Variants in GLYR1 observed in about 807,000 individuals in gnomAD.
GLYR1 encodes the protein glyoxylate reductase 1 homolog.
In GLYR1, 21 loss-of-function variants were observed where a neutral mutation model predicts 72.7. The ratio of observed to expected loss-of-function variants is 0.29; its 90% CI spans 0.20 to 0.42. The LOEUF (loss-of-function observed/expected upper bound fraction) is 0.42, where lower values mean the gene tolerates loss of function less well. Among genes scored for constraint, GLYR1 ranks in the 10% least tolerant of loss-of-function variants. GLYR1 has a pLI of 1.00. For missense variants in GLYR1, 594 were observed against 712.1 expected (o/e 0.83, Z 1.89); for synonymous variants, 392 against 270.2 (o/e 1.45, Z -4.42).
At chr16:4,822,384 G>A (rs919832296) in intron 7 of GLYR1, among the ~76,000 whole-genome samples, 10 of 152,142 alleles carry the variant, frequency 6.6e-5, no homozygotes, top group East Asian at 1.9e-4. Context: ...ACCATGCCCG[G>A]CCTTTGGGTT....
chr16:4,827,979 G>C (rs1161882846), intron 5 of GLYR1, among the ~76,000 whole-genome samples: 1 of 151,848 alleles, frequency 6.6e-6, no homozygotes, highest in African/African-American at 2.4e-5. Flanking sequence ...CAAATCTATG[G>C]GGGACATTTT....
intron 3 of GLYR1, among the ~76,000 whole-genome samples, chr16:4,842,423 C>T (rs2085632687): frequency 6.6e-6 from 1 of 152,098 alleles, no homozygotes; most frequent in African/African-American, 2.4e-5. Context: ...GATCATGGCT[C>T]ACTGCAGTTT....
At position 4,818,734 on chromosome 16, in the gene GLYR1, C is replaced by T. The variant is rs150345051; in HGVS notation, c.807-1037G>A. On this transcript the variant is annotated intron_variant, in intron 9 of 15. Transcript: ENST00000321919. ...TTCTCTACCCACACCCTACCTTTCC[C>T]GTCTTCCCGTTATCAACAGAATGGG... Among the ~76,000 whole-genome samples, 33 of 152,246 alleles carry T rather than the reference C, an allele frequency of 2.2e-4. No individual in the cohort carries two copies. In the East Asian group the frequency reaches 5.8e-3, roughly 27 times the overall value.
At chr16:4,821,241 G>C in intron 9 of GLYR1, 139 bp downstream of exon 9, 1 of 827,908 alleles carries the variant, frequency 1.2e-6, no homozygotes, top group Non-Finnish European at 2.0e-6. Context: ...ATCGATAAGA[G>C]TTACAACATC....
intron 3 of GLYR1, among the ~76,000 whole-genome samples, chr16:4,842,006 C>T (rs2085588676): frequency 6.6e-6 from 1 of 152,130 alleles, no homozygotes; most frequent in African/African-American, 2.4e-5. Context: ...CTTTGGGAGG[C>T]CGAGGCGGGC....
chr16:4,814,523 G>A lies in GLYR1; in HGVS notation c.1017+14C>T, dbSNP rs776631289. 6.2e-7 allele frequency: 1 copy of A among 1,604,842 alleles called. No homozygotes were observed. The highest frequency in any genetic ancestry group is 8.5e-7 in the Non-Finnish European group (1 of 1,172,678). ...GTGACCCGGAGTTGCTGAGGGGAGG[G>A]AGGGGGTCCTTACGTCCTTGGCCGC... On this transcript the variant is annotated intron_variant, in intron 11 of 15. Coordinates refer to ENST00000321919, the MANE Select transcript of GLYR1 (RefSeq NM_032569.4).
intron 3 of GLYR1, among the ~76,000 whole-genome samples, chr16:4,841,547 A>T (rs1185575508): frequency 2.7e-5 from 4 of 149,652 alleles, no homozygotes; most frequent in Non-Finnish European, 1.5e-5. Context: ...CGGACTGCTG[A>T]GGTGGGAGGA....
chr16:4,831,600 C>T (rs34495305), intron 5 of GLYR1, among the ~76,000 whole-genome samples: 2,303 of 152,362 alleles, frequency 0.015, 33 homozygotes, highest in Non-Finnish European at 0.025. Context: ...GTGGACTGCT[C>T]TCCTGCCTCG....
In GLYR1 at chr16:4,832,156, T is replaced by C. The variant is rs200956211; in HGVS notation, c.360A>G (p.Pro120=). Residue 120 remains proline (P), a synonymous_variant, in exon 5 of 16, where the codon CCA becomes CCG. Transcript: ENST00000321919. ...RRNSSEERSR[P]NSGDEKRKLS... is the part of the protein sequence containing the mutation. ...GTTTGCGCTTCTCATCACCTGAGTT[T>C]GGCCTACTTCTCTCCTCACTGGAAT... 6.2e-7 allele frequency: 1 copy of C among 1,614,208 alleles called. No homozygotes were observed. The highest frequency in any genetic ancestry group is 1.3e-5 in the African/African-American group (1 of 75,060).
At chr16:4,817,800 G>A in intron 9 of GLYR1, 103 bp from the exon 10 acceptor site, 1 of 748,970 alleles carries the variant, frequency 1.3e-6, no homozygotes, top group East Asian at 2.5e-5. Flanking sequence ...GCTTGGGGTA[G>A]GGGAATTCAG....
chr16:4,811,060 G>A (rs889387043), intron 15 of GLYR1, 110 bp downstream of exon 15: 14 of 1,337,936 alleles, frequency 1.0e-5, no homozygotes, highest in African/African-American at 7.5e-5. Flanking sequence ...AGCTGAGATC[G>A]CACCAGTGCA....
At chr16:4,815,737 G>A (rs2083595483) in intron 10 of GLYR1, among the ~76,000 whole-genome samples, 1 of 151,932 alleles carries the variant, frequency 6.6e-6, no homozygotes, top group South Asian at 2.1e-4. Context: ...ATAAATACAT[G>A]TAAAATTCTT....
chr16:4,821,768 C>G, intron 7 of GLYR1, 171 bp from the exon 8 acceptor site: 1 of 642,734 alleles, frequency 1.6e-6, no homozygotes, highest in South Asian at 1.8e-5. Context: ...TTACCTCATT[C>G]AAGTCCCCAT....
At chr16:4,818,205 G>T (rs920742249) in intron 9 of GLYR1, among the ~76,000 whole-genome samples, 8 of 152,184 alleles carry the variant, frequency 5.3e-5, no homozygotes, top group Non-Finnish European at 1.2e-4. Flanking sequence ...ATGTTGGCCA[G>T]GCTGGTCTCA....
chr16:4,809,680 T>A (rs1405178083), intron 15 of GLYR1, among the ~76,000 whole-genome samples: 20 of 150,742 alleles, frequency 1.3e-4, no homozygotes, highest in Non-Finnish European at 1.9e-4. Flanking sequence ...TCCCAGCACT[T>A]TGGGAGGCTG....
intron 15 of GLYR1, among the ~76,000 whole-genome samples, chr16:4,806,173 TG>T (rs1187738769): frequency 6.6e-6 from 1 of 152,142 alleles, no homozygotes; most frequent in Non-Finnish European, 1.5e-5. Context: ...GCTATGTCAC[TG>T]GCGTCTGGTG....
chr16:4,834,816 G>T (rs1315133355), intron 3 of GLYR1, among the ~76,000 whole-genome samples: 2 of 152,172 alleles, frequency 1.3e-5, no homozygotes, highest in African/African-American at 4.8e-5. Flanking sequence ...GAGCGCCAAT[G>T]AGTCCAATCT....
chr16:4,813,583 G>A (rs1398575946), intron 12 of GLYR1, among the ~76,000 whole-genome samples, 154 bp downstream of exon 12: 1 of 152,220 alleles, frequency 6.6e-6, no homozygotes, highest in East Asian at 1.9e-4. Context: ...GTTTGAAGGT[G>A]GAGCACGGGA....
At chr16:4,813,923 T>C in intron 11 of GLYR1, 85 bp from the exon 12 acceptor site, 1 of 1,048,242 alleles carries the variant, frequency 9.5e-7, no homozygotes, top group Middle Eastern at 2.2e-4. Flanking sequence ...AGAATCCTGC[T>C]GCTGTTTTGG....
Sources: gnomAD v4.1 joint callset for allele counts (sites outside exome capture counted in the v4.1 genomes callset) on GRCh38, gnomAD v4.1.1 for gene constraint, MANE v1.5 for transcripts, NCBI Gene and HGNC (gene_info 2026-07-23, HGNC 2026-07-21) for gene names.